The following SRRM3 variants were observed in gnomAD, a reference collection of about 807,000 sequenced individuals.
The protein encoded by SRRM3 is serine/arginine repetitive matrix 3, also known as serine/arginine repetitive matrix protein 3.
In SRRM3, 27 loss-of-function variants were observed where a neutral mutation model predicts 66.2. The observed-to-expected ratio is 0.41, with a 90% CI of 0.30 to 0.56. The LOEUF (loss-of-function observed/expected upper bound fraction) is 0.56, where lower values mean the gene tolerates loss of function less well. SRRM3 is among the 20% of genes least tolerant of loss of function. The pLI, the probability that SRRM3 is intolerant of heterozygous loss-of-function variation, is 0.32. For missense variants in SRRM3, 918 were observed against 991.9 expected (o/e 0.93, Z 1.00); for synonymous variants, 391 against 414.9 (o/e 0.94, Z 0.70).
At chr7:76,204,870 C>T (rs1263161198) in intron 1 of SRRM3, among the ~76,000 whole-genome samples, 2 of 152,128 alleles carry the variant, frequency 1.3e-5, no homozygotes, top group African/African-American at 4.8e-5. Context: ...GCCTGGAGTT[C>T]AAGACCAGCC....
chr7:76,281,090 C>T (rs1218188539), intron 11 of SRRM3, among the ~76,000 whole-genome samples: 1 of 149,988 alleles, frequency 6.7e-6, no homozygotes, highest in Non-Finnish European at 1.5e-5. Flanking sequence ...CTCTCCCTCT[C>T]ACTCTGTCTC....
intron 1 of SRRM3, among the ~76,000 whole-genome samples, chr7:76,232,093 C>T (rs1801029947): frequency 6.6e-6 from 1 of 152,184 alleles, no homozygotes; most frequent in South Asian, 2.1e-4. Flanking sequence ...TCTCTCTTGC[C>T]TCCTGTTGTC....
In SRRM3 at chr7:76,251,056, C is replaced by T. The variant is rs374990933; in HGVS notation, c.335+2767C>T. On this transcript the variant is annotated intron_variant, in intron 3 of 14. Transcript: ENST00000611745. ...CATTGTGTTCCTGGCTAATGGGAAA[C>T]AGGACCATTTAATTGGCGAAAGTGC... Among the ~76,000 whole-genome samples, 12 of 152,332 alleles carry T rather than the reference C, an allele frequency of 7.9e-5. No individual in the cohort carries two copies. The East Asian group carries it at 1.2e-3, about 15-fold the overall frequency.
intron 14 of SRRM3, 37 bp downstream of exon 14, chr7:76,283,138 T>A: frequency 7.4e-7 from 1 of 1,360,170 alleles, no homozygotes; most frequent in South Asian, 1.9e-5. Flanking sequence ...GGCGCAGGGC[T>A]GGGGCCGCTG....
chr7:76,203,170 T>G (rs1800203003), intron 1 of SRRM3, among the ~76,000 whole-genome samples: 1 of 152,208 alleles, frequency 6.6e-6, no homozygotes, highest in Non-Finnish European at 1.5e-5. Context: ...TAGGAAATTG[T>G]TCCCACACAG....
Position 76,248,262 on chromosome 7 carries a change from C to T in SRRM3, c.308C>T (p.Thr103Ile). The T allele has an allele frequency of 6.2e-7, 1 of 1,613,726 alleles. No homozygotes were observed. Among genetic ancestry groups the T allele is most frequent in the Non-Finnish European group, 8.5e-7 (1 of 1,179,800 alleles). ...CTGATGGAGAAGGAGGGAGTGCTCA[C>T]CAGGGAGGACCGGCCTGGGGGCCAC... ...QMLMEKEGVL[T>I]REDRPGGHIV... Residue 103 changes from threonine (T) to isoleucine (I), a missense_variant, in exon 3 of 15, where the codon ACC (threonine) becomes ATC (isoleucine). By Grantham distance (89) the Thr-to-Ile change is moderately conservative (BLOSUM62 -1). Transcript: ENST00000611745.
At chr7:76,246,550 C>T (rs1284857090) in intron 2 of SRRM3, among the ~76,000 whole-genome samples, 6 of 151,566 alleles carry the variant, frequency 4.0e-5, no homozygotes, top group East Asian at 3.9e-4. Context: ...GGCGACAGAA[C>T]GAAACTCCGT....
chr7:76,228,192 G>T (rs1800927303), intron 1 of SRRM3, among the ~76,000 whole-genome samples: 1 of 152,020 alleles, frequency 6.6e-6, no homozygotes. Context: ...TTTTTAAAGA[G>T]TTTTGATTAT....
At chr7:76,218,030 A>C (rs1800612578) in intron 1 of SRRM3, among the ~76,000 whole-genome samples, 1 of 152,160 alleles carries the variant, frequency 6.6e-6, no homozygotes, top group Non-Finnish European at 1.5e-5. Context: ...CAGATAAGAG[A>C]AACTGAGGCT....
intron 11 of SRRM3, among the ~76,000 whole-genome samples, chr7:76,276,428 G>A (rs528092906): frequency 5.9e-5 from 9 of 152,250 alleles, no homozygotes; most frequent in Admixed American, 3.9e-4. Context: ...TGGCTAGCAC[G>A]GCCTGGCAGA....
chr7:76,211,827 A>ATTG (rs2116938900), intron 1 of SRRM3, among the ~76,000 whole-genome samples: 1 of 134,318 alleles, frequency 7.4e-6, no homozygotes, highest in Non-Finnish European at 1.5e-5. Context: ...TATTATTATT[A>ATTG]TTATTATTAT....
In SRRM3 at chr7:76,261,548, C is replaced by A; in HGVS notation, c.641C>A (p.Ser214Tyr). The part of the protein sequence containing the change: ...KSVKKHRRDR[S>Y]DSGSRRKRRH... Reference sequence around the variant, plus strand: ...AGAACTCCTTTATCGCCCTACAGGTCTGATTCTGGGTCCCGGAGGAAGAGA... The same window carrying A: ...AGAACTCCTTTATCGCCCTACAGGTATGATTCTGGGTCCCGGAGGAAGAGA... The change falls in exon 8 of 15, where the codon TCT (serine) becomes TAT (tyrosine). Residue 214 changes from serine to tyrosine, a missense_variant and splice_region_variant. By Grantham distance (144) the Ser-to-Tyr change is moderately radical. Transcript: ENST00000611745. The A allele has an allele frequency of 6.2e-7, 1 of 1,611,960 alleles. No individual in the cohort carries two copies. The highest frequency in any genetic ancestry group is 1.1e-5 in the South Asian group (1 of 90,526).
In SRRM3 at chr7:76,283,130, C is replaced by G. The variant is rs1295876028; in HGVS notation, c.1733+29C>G. ...TGGAGGGTCTTGGGGGGGCCGGTGG[C>G]GCAGGGCTGGGGCCGCTGACCCGGA... On this transcript the variant is annotated intron_variant, in intron 14 of 14. Coordinates refer to ENST00000611745, the MANE Select transcript of SRRM3 (RefSeq NM_001110199.3). 3.6e-6 allele frequency: 5 copies of G among 1,387,302 alleles called. No homozygotes were observed. In the African/African-American group the frequency reaches 6.0e-5, roughly 17 times the overall value. The allele number at this position is 1,387,302 out of a possible 1,614,324, so 85.9% of individuals were successfully genotyped here. A position where few individuals can be genotyped will look rare whatever the true frequency, so the allele number is the denominator to read the frequency against.
intron 2 of SRRM3, among the ~76,000 whole-genome samples, chr7:76,247,030 C>G (rs1197116539): frequency 6.6e-6 from 1 of 152,148 alleles, no homozygotes; most frequent in African/African-American, 2.4e-5. Flanking sequence ...AGGCACGGGG[C>G]CAGGGCTGCA....
At chr7:76,249,529 G>C (rs1801521605) in intron 3 of SRRM3, among the ~76,000 whole-genome samples, 1 of 152,252 alleles carries the variant, frequency 6.6e-6, no homozygotes. Flanking sequence ...TCTCAGATCA[G>C]AGGCGAACTG....
Position 76,228,901 on chromosome 7 carries a change from C to CTT in SRRM3, c.-39-6113_-39-6112dup, listed in dbSNP as rs71082398. ...ACGTGAGCAATTTCATCCCCAGAGA[C>CTT]TTTTTTTTTTTTTTTGAGACAGAGT... On this transcript the variant is annotated intron_variant, in intron 1 of 14. Coordinates refer to ENST00000611745, the MANE Select transcript of SRRM3 (RefSeq NM_001110199.3). Among the ~76,000 whole-genome samples the CTT allele has an allele frequency of 3.0e-3, 414 of 140,156 alleles. 13 individuals are homozygous for CTT. In the South Asian group the frequency reaches 0.039, roughly 13 times the overall value. The allele number at this position is 140,156 out of a possible 152,430, so 91.9% of individuals were successfully genotyped here. A position where few individuals can be genotyped will look rare whatever the true frequency, so the allele number is the denominator to read the frequency against.
intron 1 of SRRM3, among the ~76,000 whole-genome samples, chr7:76,224,367 A>G (rs908966876): frequency 8.6e-5 from 13 of 151,406 alleles, no homozygotes; most frequent in Non-Finnish European, 1.6e-4. Flanking sequence ...GGCATGAGCC[A>G]CCGCGCCCGG....
intron 2 of SRRM3, among the ~76,000 whole-genome samples, chr7:76,244,459 G>T (rs1318564667): frequency 2.0e-5 from 3 of 150,982 alleles, no homozygotes; most frequent in African/African-American, 4.9e-5. Context: ...GGGAGGCAGA[G>T]GTTGCAGTGA....
At chr7:76,208,473 A>C (rs1800352696) in intron 1 of SRRM3, among the ~76,000 whole-genome samples, 1 of 151,132 alleles carries the variant, frequency 6.6e-6, no homozygotes, top group Admixed American at 6.6e-5. Flanking sequence ...GTTGAAGACC[A>C]ATCTGGGCAA....
Sources: gnomAD v4.1 joint callset for allele counts (sites outside exome capture counted in the v4.1 genomes callset) on GRCh38, gnomAD v4.1.1 for gene constraint, MANE v1.5 for transcripts, NCBI Gene and HGNC (gene_info 2026-07-23, HGNC 2026-07-21) for gene names.